The following CCSAP variants were observed in gnomAD, a reference collection of about 807,000 sequenced individuals.
CCSAP encodes the protein centriole, cilia and spindle-associated protein.
In CCSAP, 17 loss-of-function variants were observed where a neutral mutation model predicts 25.9. The observed-to-expected ratio is 0.66, with a 90% confidence interval of 0.45 to 0.99. CCSAP has a LOEUF of 0.99. CCSAP is among the 50% of genes least tolerant of loss of function. The probability of loss-of-function intolerance (pLI) is 0.00; values close to 1 mark genes in which losing one functional copy is unlikely to be tolerated. For synonymous variants in CCSAP, 169 were observed against 157.1 expected, an observed-to-expected ratio of 1.08 and a Z score of -0.57; for missense variants, 339 against 367.8, an observed-to-expected ratio of 0.92 and a Z score of 0.64.
At position 229,326,793 on chromosome 1, in the gene CCSAP, G is replaced by A. The variant is rs762120315; in HGVS notation, c.581C>T (p.Thr194Ile). Reference protein sequence around the residue: ...FALYGWGEKQTDTGSQKTHNV... With the variant: ...FALYGWGEKQIDTGSQKTHNV... ...GTGAGTCTTCTGGCTTCCTGTATCGGTCTGTTTTTCTCCCCAGCCATAAAG... is the reference window on the plus strand; with the variant it reads ...GTGAGTCTTCTGGCTTCCTGTATCGATCTGTTTTTCTCCCCAGCCATAAAG... The change falls in exon 3 of 4, where the codon ACC (threonine) becomes ATC (isoleucine). Residue 194 changes from threonine to isoleucine, a missense_variant. By Grantham distance (89) the Thr-to-Ile change is moderately conservative. Coordinates refer to ENST00000284617, the MANE Select transcript of CCSAP (RefSeq NM_145257.5). 1.9e-6 allele frequency: 3 copies of A among 1,614,204 alleles called. No individual in the cohort carries two copies. The highest frequency in any genetic ancestry group is 1.7e-6 in the Non-Finnish European group (2 of 1,180,048).
rs915858243 is a variant in CCSAP, at chr1:229,324,266, T to G, written c.*969A>C. 6.6e-6 allele frequency: 1 copy of G among 152,382 alleles called. No homozygotes were observed. The highest frequency in any genetic ancestry group is 1.5e-5 in the Non-Finnish European group (1 of 68,014). 9.4% of individuals were successfully genotyped at this position (152,382 alleles called of 1,614,324 possible). On this transcript the variant is annotated 3_prime_UTR_variant, in exon 4 of 4. Transcript: ENST00000284617. ...TATCTAACAGGCATCTTCACACTGG[T>G]CCCCATCCCAGTGGAACAAGCAATG...
intron 2 of CCSAP, chr1:229,340,482 C>A (rs1558253175): frequency 7.0e-6 from 5 of 711,530 alleles, no homozygotes; most frequent in Non-Finnish European, 1.3e-5. Context: ...TATTTGACAA[C>A]TCCATCACAA....
Position 229,325,122 on chromosome 1 carries a change from G to T in CCSAP, c.*113C>A, listed in dbSNP as rs1657910475. The T allele has an allele frequency of 1.9e-6, 2 of 1,059,764 alleles. No individual in the cohort carries two copies. The highest frequency in any genetic ancestry group is 1.6e-5 in the African/African-American group (1 of 63,024). The allele number at this position is 1,059,764 out of a possible 1,614,324, so 65.6% of individuals were successfully genotyped here. On this transcript the variant is annotated 3_prime_UTR_variant, in exon 4 of 4. Coordinates refer to ENST00000284617, the MANE Select transcript of CCSAP (RefSeq NM_145257.5). ...TTACAAATTCCCTAAAAAAAACCTT[G>T]CATAATCAGTTGGTTTCTTAAACCT... is the stretch of plus-strand genomic sequence containing the variant.
intron 3 of CCSAP, among the ~76,000 whole-genome samples, chr1:229,326,475 C>G (rs1017848698): frequency 5.3e-5 from 8 of 152,244 alleles, no homozygotes; most frequent in African/African-American, 1.9e-4. Context: ...CCATCTACAT[C>G]TTTGCCTGGC....
intron 2 of CCSAP, among the ~76,000 whole-genome samples, chr1:229,341,447 G>C (rs1475404325): frequency 6.6e-6 from 1 of 152,302 alleles, no homozygotes; most frequent in South Asian, 2.1e-4. Flanking sequence ...AAGGTGAAGG[G>C]GCCATGCCTT....
chr1:229,340,066 A>G (rs895905336), intron 2 of CCSAP, among the ~76,000 whole-genome samples: 1 of 152,232 alleles, frequency 6.6e-6, no homozygotes, highest in Non-Finnish European at 1.5e-5. Context: ...TGCTTTTGTA[A>G]TAAGTCAGAC....
rs753072962 is a variant in CCSAP at position 229,325,184 on chromosome 1, C to T, written c.*51G>A. 7 of 1,487,308 alleles carry T rather than the reference C, an allele frequency of 4.7e-6. No individual in the cohort carries two copies. The highest frequency in any genetic ancestry group is 2.5e-5 in the Admixed American group (1 of 40,736). The allele number at this position is 1,487,308 out of a possible 1,614,324, so 92.1% of individuals were successfully genotyped here. On this transcript the variant is annotated 3_prime_UTR_variant, in exon 4 of 4. Transcript: ENST00000284617. Reference sequence around the variant, plus strand: ...TTTTGATGGTTTTTGTTTTGTTTTTCCTTTCAGTCATTTACACTTTTTAAA... The same window carrying T: ...TTTTGATGGTTTTTGTTTTGTTTTTTCTTTCAGTCATTTACACTTTTTAAA...
At chr1:229,327,252 C>T in intron 2 of CCSAP, 1 of 389,004 alleles carries the variant, frequency 2.6e-6, no homozygotes, top group Non-Finnish European at 4.7e-6. Context: ...GCAACCACTG[C>T]TACTCCGATT....
intron 2 of CCSAP, among the ~76,000 whole-genome samples, chr1:229,339,559 C>T (rs1486505861): frequency 6.6e-6 from 1 of 152,064 alleles, no homozygotes; most frequent in Non-Finnish European, 1.5e-5. Context: ...ATGAAAGGCA[C>T]ACGACAGAGA....
In CCSAP at chr1:229,325,362, C is replaced by A; in HGVS notation, c.686G>T (p.Arg229Met). Reference sequence around the variant, plus strand: ...TCGCTGCCTTTGAGCAACCAGTTTCCTTTTTTCCACCTGTCTTCTGTTCTT... The same window carrying A: ...TCGCTGCCTTTGAGCAACCAGTTTCATTTTTTCCACCTGTCTTCTGTTCTT... The part of the protein sequence containing the change: ...RAKNRRQVEK[R>M]KLVAQRQRAH... The change falls in exon 4 of 4, where the codon AGG becomes ATG. Residue 229 changes from arginine (R) to methionine (M), a missense_variant. By Grantham distance (91) the Arg-to-Met change is moderately conservative. Coordinates refer to ENST00000284617, the MANE Select transcript of CCSAP (RefSeq NM_145257.5). The A allele has an allele frequency of 6.2e-7, 1 of 1,614,126 alleles. No individual in the cohort carries two copies. Among genetic ancestry groups the A allele is most frequent in the Non-Finnish European group, 8.5e-7 (1 of 1,180,000 alleles).
At chr1:229,329,646 A>G (rs1658023054) in intron 2 of CCSAP, among the ~76,000 whole-genome samples, 2 of 152,310 alleles carry the variant, frequency 1.3e-5, no homozygotes, top group South Asian at 4.1e-4. Flanking sequence ...GCCAGTTAGA[A>G]AAACACACCG....
At chr1:229,332,004 G>A (rs562274426) in intron 2 of CCSAP, among the ~76,000 whole-genome samples, 1 of 151,900 alleles carries the variant, frequency 6.6e-6, no homozygotes, top group Admixed American at 6.6e-5. Flanking sequence ...CACAACACCC[G>A]GCTAATTTTT....
rs540647465 is a variant in CCSAP at position 229,324,448 on chromosome 1, A to C, written c.*787T>G. On this transcript the variant is annotated 3_prime_UTR_variant, in exon 4 of 4. Transcript: ENST00000284617. ...ATTCTTTAAAAAAAAAAAAAAAGGC[A>C]ATAAAAAAAGTGAGTCTTTGACTAC... The C allele has an allele frequency of 1.3e-5, 2 of 151,428 alleles. No individual in the cohort carries two copies. The highest frequency in any genetic ancestry group is 4.8e-5 in the African/African-American group (2 of 41,288). 9.4% of individuals were successfully genotyped at this position (151,428 alleles called of 1,614,324 possible).
At chr1:229,326,332 G>A (rs1043473670) in intron 3 of CCSAP, among the ~76,000 whole-genome samples, 4 of 152,202 alleles carry the variant, frequency 2.6e-5, no homozygotes, top group Middle Eastern at 3.2e-3. Flanking sequence ...ATAAAGAAGC[G>A]CCAGGTTATC....
At chr1:229,340,319 A>C in intron 2 of CCSAP, 1 of 689,662 alleles carries the variant, frequency 1.4e-6, no homozygotes, top group Non-Finnish European at 2.7e-6. Flanking sequence ...TGATGCCTAA[A>C]CCAGAAACGT....
intron 2 of CCSAP, among the ~76,000 whole-genome samples, chr1:229,330,127 A>G (rs1490777690): frequency 6.6e-6 from 1 of 152,148 alleles, no homozygotes; most frequent in Non-Finnish European, 1.5e-5. Flanking sequence ...CATCAGACTG[A>G]CAGGTGGACA....
rs1464970151 is a variant in CCSAP, at chr1:229,321,766, A to G, written c.*3469T>C. 6.6e-6 allele frequency: 1 copy of G among 152,200 alleles called. No homozygotes were observed. The highest frequency in any genetic ancestry group is 1.5e-5 in the Non-Finnish European group (1 of 68,030). 9.4% of individuals were successfully genotyped at this position (152,200 alleles called of 1,614,324 possible). Reference sequence around the variant, plus strand: ...TCCTCTTTGCTAGTAATACTTTTGAACACTTTAAAGAAAGTACAGTCGGCC... The same window carrying G: ...TCCTCTTTGCTAGTAATACTTTTGAGCACTTTAAAGAAAGTACAGTCGGCC... On this transcript the variant is annotated 3_prime_UTR_variant, in exon 4 of 4. Coordinates refer to ENST00000284617, the MANE Select transcript of CCSAP (RefSeq NM_145257.5).
chr1:229,329,442 TAGATAGTGTGGGGG>T (rs1176316447), intron 2 of CCSAP, among the ~76,000 whole-genome samples: 2 of 152,118 alleles, frequency 1.3e-5, no homozygotes, highest in African/African-American at 2.4e-5. Flanking sequence ...AGGCCTGGGG[TAGATAGTGTGGGGG>T]AAATAAAGGC....
intron 2 of CCSAP, among the ~76,000 whole-genome samples, chr1:229,339,347 A>G (rs1033258463): frequency 6.6e-6 from 1 of 152,238 alleles, no homozygotes; most frequent in African/African-American, 2.4e-5. Flanking sequence ...GTCATAACAC[A>G]TAAGGAGGAA....
Sources: allele counts gnomAD v4.1 joint callset (sites outside exome capture counted in the v4.1 genomes callset), GRCh38; gene constraint gnomAD v4.1.1; transcripts MANE v1.5; gene names NCBI Gene and HGNC (gene_info 2026-07-23, HGNC 2026-07-21).